ATF3: variants seen among roughly 807,000 people sequenced by gnomAD.
The protein encoded by ATF3 is activating transcription factor 3.
In ATF3, 10 loss-of-function variants were observed where a neutral mutation model predicts 18.4. The ratio of observed to expected loss-of-function variants is 0.54; its 90% CI spans 0.34 to 0.92. ATF3 has a LOEUF of 0.92. ATF3 is among the 40% of genes least tolerant of loss of function. ATF3 has a pLI of 0.02. For synonymous variants in ATF3, 78 were observed against 87.9 expected (o/e 0.89, Z 0.63); for missense variants, 183 against 222.3 (o/e 0.82, Z 1.12).
chr1:212,565,919 T>C (rs72756328), intron 1 of ATF3, among the ~76,000 whole-genome samples: 5,144 of 152,254 alleles, frequency 0.034, 134 homozygotes, highest in African/African-American at 0.061. Flanking sequence ...GTTAACCCCT[T>C]CCTTCTAGTG....
At chr1:212,591,696 T>C (rs1470401876) in intron 1 of ATF3, among the ~76,000 whole-genome samples, 3 of 152,210 alleles carry the variant, frequency 2.0e-5, no homozygotes, top group Non-Finnish European at 4.4e-5. Flanking sequence ...CGTACACATA[T>C]AAATCCTCAT....
In ATF3 at chr1:212,619,489, G is replaced by A. The variant is rs1571799738; in HGVS notation, c.480G>A (p.Gly160=). ...RPTCIVRAQN[G]RTPEDERNLF... is the part of the protein sequence containing the mutation. ...CGTGTATTGTCCGGGCTCAGAATGG[G>A]AGGACTCCAGAAGATGAGAGAAACC... is the stretch of plus-strand genomic sequence containing the variant. Residue 160 remains glycine (G), a synonymous_variant, in exon 4 of 4, where the codon GGG becomes GGA. Coordinates refer to ENST00000341491, the MANE Select transcript of ATF3 (RefSeq NM_001674.4). This position sits in a 1 kb window ranked among gnomAD's most constrained non-coding sequence, Gnocchi z 4.4. 3 of 1,614,180 alleles carry A rather than the reference G, an allele frequency of 1.9e-6. No individual in the cohort carries two copies. The highest frequency in any genetic ancestry group is 2.5e-6 in the Non-Finnish European group (3 of 1,180,038).
At position 212,620,387 on chromosome 1, in the gene ATF3, C is replaced by G. The variant is rs1226374160; in HGVS notation, c.*832C>G. 6 of 152,748 alleles carry G rather than the reference C, an allele frequency of 3.9e-5. No individual in the cohort carries two copies. 9.5% of individuals were successfully genotyped at this position (152,748 alleles called of 1,614,324 possible). A position where few individuals can be genotyped will look rare whatever the true frequency, so the allele number is the denominator to read the frequency against. On this transcript the variant is annotated 3_prime_UTR_variant, in exon 4 of 4. Coordinates refer to ENST00000341491, the MANE Select transcript of ATF3 (RefSeq NM_001674.4). ...CAATGTCTTAGGTCAGGAGTTGTGTCTAGGCTGGAAGAGCCAAAGAATATT... is the reference window on the plus strand; with the variant it reads ...CAATGTCTTAGGTCAGGAGTTGTGTGTAGGCTGGAAGAGCCAAAGAATATT...
intron 1 of ATF3, among the ~76,000 whole-genome samples, chr1:212,609,384 G>A (rs904232693): frequency 4.2e-5 from 6 of 144,466 alleles, no homozygotes; most frequent in Admixed American, 2.7e-4. Context: ...GTGGGGGGGG[G>A]GGGGCGCAGA....
intron 1 of ATF3, among the ~76,000 whole-genome samples, chr1:212,600,736 C>T (rs1337789348): frequency 1.3e-5 from 2 of 152,220 alleles, no homozygotes; most frequent in Non-Finnish European, 2.9e-5. Flanking sequence ...CAGGCTGTAA[C>T]TATTTGTTAT....
upstream of ATF3, among the ~76,000 whole-genome samples, chr1:212,607,491 A>G (rs1654670506): frequency 1.3e-5 from 2 of 152,206 alleles, no homozygotes. Flanking sequence ...ATCGTTTTTA[A>G]GGTTCAAACC....
At chr1:212,613,726 A>G (rs550336547) in intron 1 of ATF3, 38 of 152,478 alleles carry the variant, frequency 2.5e-4, no homozygotes, top group African/African-American at 8.2e-4. Flanking sequence ...ACTCATCCCT[A>G]TACTCATTGT....
chr1:212,579,706 T>C (rs1173064227), intron 1 of ATF3, among the ~76,000 whole-genome samples: 1 of 152,210 alleles, frequency 6.6e-6, no homozygotes, highest in Non-Finnish European at 1.5e-5. Flanking sequence ...AGGATTCCTC[T>C]TCTGTAAAAT....
chr1:212,616,305 T>C (rs1571794679), intron 2 of ATF3, among the ~76,000 whole-genome samples: 1 of 85,406 alleles, frequency 1.2e-5, no homozygotes, highest in African/African-American at 5.8e-5. Context: ...ACACACACAC[T>C]TTTTTTTTTG....
intron 1 of ATF3, among the ~76,000 whole-genome samples, chr1:212,583,817 G>A (rs915060635): frequency 6.6e-6 from 1 of 152,176 alleles, no homozygotes; most frequent in East Asian, 1.9e-4. Context: ...CTCCCGCTGG[G>A]CATCAGTTTC....
intron 1 of ATF3, among the ~76,000 whole-genome samples, chr1:212,593,335 A>G (rs989499720): frequency 6.6e-5 from 10 of 151,754 alleles, no homozygotes; most frequent in Non-Finnish European, 1.3e-4. Flanking sequence ...GATATACCTA[A>G]TGCTAAATGA....
intron 1 of ATF3, among the ~76,000 whole-genome samples, chr1:212,577,186 A>T (rs1664597651): frequency 6.6e-6 from 1 of 152,132 alleles, no homozygotes. Context: ...TACCCTTATT[A>T]TCTCCTAGAA....
At chr1:212,591,536 C>T (rs1664884808) in intron 1 of ATF3, among the ~76,000 whole-genome samples, 2 of 152,154 alleles carry the variant, frequency 1.3e-5, no homozygotes, top group Non-Finnish European at 2.9e-5. Context: ...GAATGCTCTC[C>T]ATCCCCCCCG....
intron 1 of ATF3, among the ~76,000 whole-genome samples, chr1:212,579,501 A>G (rs1664641305): frequency 6.6e-6 from 1 of 152,186 alleles, no homozygotes; most frequent in Non-Finnish European, 1.5e-5. Context: ...CATGTCAAAA[A>G]CTGAAGGACT....
At chr1:212,608,193 G>C (rs1360098901), upstream of ATF3, among the ~76,000 whole-genome samples, 2 of 152,202 alleles carry the variant, frequency 1.3e-5, no homozygotes, top group Admixed American at 1.3e-4. Context: ...GCCCCTGCTA[G>C]AGAAGTAGGA....
intron 1 of ATF3, chr1:212,613,507 C>T (rs1156895135): frequency 6.6e-6 from 1 of 152,118 alleles, no homozygotes; most frequent in African/African-American, 2.4e-5. Flanking sequence ...TTGTCTAAAC[C>T]TCAATTATCT....
chr1:212,616,491 T>C lies in ATF3; in HGVS notation c.240+1230T>C, dbSNP rs141471706. Among the ~76,000 whole-genome samples the C allele has an allele frequency of 7.6e-3, 1,154 of 152,158 alleles. 19 individuals are homozygous for C. Among genetic ancestry groups the C allele is most frequent in the African/African-American group, 0.026 (1,089 of 41,498 alleles). On this transcript the variant is annotated intron_variant, in intron 2 of 3. Transcript: ENST00000341491. ...TTGAATTTTTTTAGTAGAGACGGGG[T>C]TTCTCCATGTTGGCCAGGCTGGTCT...
At chr1:212,610,635 GC>G in intron 1 of ATF3, among the ~76,000 whole-genome samples, 1 of 152,114 alleles carries the variant, frequency 6.6e-6, no homozygotes, top group Non-Finnish European at 1.5e-5. Flanking sequence ...CTTCCTCCTT[GC>G]CCTTTAGCCA....
At chr1:212,596,117 G>A (rs1664989550) in intron 1 of ATF3, among the ~76,000 whole-genome samples, 1 of 152,122 alleles carries the variant, frequency 6.6e-6, no homozygotes, top group African/African-American at 2.4e-5. Flanking sequence ...TTCCTTCAAT[G>A]AATTAATAAA....
Sources: allele counts gnomAD v4.1 joint callset (sites outside exome capture counted in the v4.1 genomes callset), GRCh38; gene constraint gnomAD v4.1.1; non-coding constraint Gnocchi (gnomAD v3.1); transcripts MANE v1.5; gene names NCBI Gene and HGNC (gene_info 2026-07-23, HGNC 2026-07-21).